The following GDE1 variants were observed in gnomAD, a reference collection of about 807,000 sequenced individuals.
The protein encoded by GDE1 is glycerophosphodiester phosphodiesterase 1.
A neutral mutation model predicts 32.2 loss-of-function variants in GDE1; 24 were observed. The observed-to-expected ratio is 0.75, with a 90% confidence interval of 0.54 to 1.05. GDE1 has a LOEUF of 1.05. GDE1 is among the 50% of genes least tolerant of loss of function. The probability of loss-of-function intolerance (pLI) is 0.00; values close to 1 mark genes in which losing one functional copy is unlikely to be tolerated. For synonymous variants in GDE1, 159 were observed against 158.6 expected, an observed-to-expected ratio of 1.00 and a Z score of -0.02; for missense variants, 380 against 415.0, an observed-to-expected ratio of 0.92 and a Z score of 0.73.
chr16:19,506,295 C>A (rs1212333423), intron 4 of GDE1, among the ~76,000 whole-genome samples: 3 of 109,018 alleles, frequency 2.8e-5, no homozygotes, highest in Admixed American at 1.1e-4. Flanking sequence ...AAAACAAGGA[C>A]CCCCCCCAAA....
Position 19,517,167 on chromosome 16 carries a change from C to A in GDE1, c.284G>T (p.Gly95Val), listed in dbSNP as rs777338440. The change falls in exon 2 of 6, where the codon GGC becomes GTC. Residue 95 changes from glycine to valine, a missense_variant. Transcript: ENST00000353258. ...IRQAAKNGAT[G>V]VELDIEFTSD... ...AGTAAACTCAATGTCCAACTCCACG[C>A]CTGTTGCTCCATTCTTAGCTGCCTT... 2.5e-6 allele frequency: 4 copies of A among 1,613,750 alleles called. No homozygotes were observed. The South Asian group carries it at 4.4e-5, about 18-fold the overall frequency.
At position 19,517,072 on chromosome 16, in the gene GDE1, A is replaced by C; in HGVS notation, c.379T>G (p.Cys127Gly). 2.5e-6 allele frequency: 4 copies of C among 1,614,182 alleles called. No homozygotes were observed. The highest frequency in any genetic ancestry group is 3.4e-6 in the Non-Finnish European group (4 of 1,180,022). The part of the protein sequence containing the change: ...DRTTDGTGRL[C>G]DLTFEQIRKL... ...CTAATTTGTTCAAATGTCAAATCAC[A>C]CAATCGCCCAGTCCCATCAGTCGTC... The change falls in exon 2 of 6, where the codon TGT becomes GGT. Residue 127 changes from cysteine (C) to glycine (G), a missense_variant. Cys to Gly is a radical substitution (Grantham distance 159). Coordinates refer to ENST00000353258, the MANE Select transcript of GDE1 (RefSeq NM_016641.4).
In GDE1 at chr16:19,522,081, G is replaced by C; in HGVS notation, c.-117C>G. The C allele has an allele frequency of 1.9e-6, 2 of 1,074,008 alleles. No homozygotes were observed. Among genetic ancestry groups the C allele is most frequent in the Non-Finnish European group, 2.6e-6 (2 of 770,094 alleles). The allele number at this position is 1,074,008 out of a possible 1,614,324, so 66.5% of individuals were successfully genotyped here. On this transcript the variant is annotated 5_prime_UTR_variant, in exon 1 of 6. Coordinates refer to ENST00000353258, the MANE Select transcript of GDE1 (RefSeq NM_016641.4). ...CGGCAGCAGCAGGAACCCTCTGAGG[G>C]GACCAGCGCCGCACAATGGCGGCAG...
chr16:19,517,874 G>A (rs1401929180), intron 1 of GDE1, among the ~76,000 whole-genome samples: 1 of 151,616 alleles, frequency 6.6e-6, no homozygotes, highest in African/African-American at 2.4e-5. Context: ...TGCTCATTAC[G>A]ATGAAGATTT....
intron 3 of GDE1, 65 bp downstream of exon 3, chr16:19,510,774 G>A (rs1969307469): frequency 5.7e-6 from 4 of 698,816 alleles, no homozygotes; most frequent in African/African-American, 5.5e-5. Context: ...ATGTAACTTC[G>A]GAAATGACCG....
intron 3 of GDE1, among the ~76,000 whole-genome samples, chr16:19,509,333 G>T (rs551561522): frequency 6.6e-6 from 1 of 152,018 alleles, no homozygotes; most frequent in African/African-American, 2.4e-5. Flanking sequence ...ATAAAAGTCA[G>T]TATACCATGG....
At chr16:19,518,767 T>C (rs1447995276) in intron 1 of GDE1, among the ~76,000 whole-genome samples, 2 of 152,230 alleles carry the variant, frequency 1.3e-5, no homozygotes, top group African/African-American at 4.8e-5. Context: ...TTTAAACACA[T>C]CTTTAAAGGT....
intron 4 of GDE1, among the ~76,000 whole-genome samples, chr16:19,506,500 A>T (rs1969248977): frequency 6.6e-6 from 1 of 152,126 alleles, no homozygotes. Context: ...AATACAAAAA[A>T]AATTAGCCAG....
At chr16:19,508,545 C>T (rs1969276845) in intron 3 of GDE1, among the ~76,000 whole-genome samples, 2 of 152,160 alleles carry the variant, frequency 1.3e-5, no homozygotes. Context: ...GAGCAAAATG[C>T]ATTCCCCCAC....
At chr16:19,516,175 C>G (rs911737629) in intron 2 of GDE1, among the ~76,000 whole-genome samples, 1 of 152,162 alleles carries the variant, frequency 6.6e-6, no homozygotes, top group Admixed American at 6.5e-5. Context: ...CGTTTACACT[C>G]TACCAGGAAG....
In GDE1 at chr16:19,521,930, C is replaced by T. The variant is rs779985406; in HGVS notation, c.35G>A (p.Gly12Asp). ...WLWEDQGGLL[G>D]PFSFLLLVLL... The stretch of plus-strand genomic sequence containing the variant: ...CACTAGCAGCAGGAAGGAGAAAGGG[C>T]CCAGGAGGCCGCCCTGGTCCTCCCA... The change falls in exon 1 of 6, where the codon GGC becomes GAC. Residue 12 changes from glycine (G) to aspartate (D), a missense_variant. Transcript: ENST00000353258. The T allele has an allele frequency of 6.3e-7, 1 of 1,580,474 alleles. No individual in the cohort carries two copies. Among genetic ancestry groups the T allele is most frequent in the Non-Finnish European group, 8.6e-7 (1 of 1,163,276 alleles).
chr16:19,520,766 A>G (rs1969443448), intron 1 of GDE1, among the ~76,000 whole-genome samples: 1 of 151,752 alleles, frequency 6.6e-6, no homozygotes, highest in African/African-American at 2.4e-5. Context: ...AAGAAGAGAG[A>G]GAAAAATAAA....
chr16:19,510,715 A>C, intron 3 of GDE1, 124 bp downstream of exon 3: 1 of 474,082 alleles, frequency 2.1e-6, no homozygotes, highest in Middle Eastern at 5.2e-4. Context: ...TCCATTAAAC[A>C]AATACAATTT....
At chr16:19,515,850 A>G (rs1042247784) in intron 2 of GDE1, among the ~76,000 whole-genome samples, 2 of 152,136 alleles carry the variant, frequency 1.3e-5, no homozygotes, top group African/African-American at 4.8e-5. Context: ...ATATTACATG[A>G]ATAACCAGTG....
intron 5 of GDE1, 23 bp from the exon 6 acceptor site, chr16:19,503,640 C>A: frequency 6.2e-7 from 1 of 1,606,118 alleles, no homozygotes; most frequent in Non-Finnish European, 8.5e-7. Flanking sequence ...GAAAGCCAAT[C>A]CTGTTAGAAT....
At chr16:19,518,391 A>G (rs986415904) in intron 1 of GDE1, among the ~76,000 whole-genome samples, 1 of 152,164 alleles carries the variant, frequency 6.6e-6, no homozygotes, top group Admixed American at 6.5e-5. Context: ...CTTTAAATGT[A>G]TTAACTTATT....
rs777338440 is a variant in GDE1, at chr16:19,517,167, C to T, written c.284G>A (p.Gly95Asp). ...AGTAAACTCAATGTCCAACTCCACG[C>T]CTGTTGCTCCATTCTTAGCTGCCTT... Reference protein sequence around the residue: ...IRQAAKNGATGVELDIEFTSD... With the variant: ...IRQAAKNGATDVELDIEFTSD... The change falls in exon 2 of 6, where the codon GGC becomes GAC. Residue 95 changes from glycine to aspartate, a missense_variant. By Grantham distance (94) the Gly-to-Asp change is moderately conservative (BLOSUM62 -1). Coordinates refer to ENST00000353258, the MANE Select transcript of GDE1 (RefSeq NM_016641.4). 2 of 1,613,750 alleles carry T rather than the reference C, an allele frequency of 1.2e-6. No individual in the cohort carries two copies. Among genetic ancestry groups the T allele is most frequent in the Non-Finnish European group, 8.5e-7 (1 of 1,179,672 alleles).
chr16:19,513,908 G>A (rs1969348724), intron 2 of GDE1, among the ~76,000 whole-genome samples: 1 of 152,152 alleles, frequency 6.6e-6, no homozygotes, highest in African/African-American at 2.4e-5. Context: ...TAAGACAACT[G>A]GACCACATGG....
At chr16:19,520,707 A>G (rs2151450592) in intron 1 of GDE1, among the ~76,000 whole-genome samples, 1 of 150,604 alleles carries the variant, frequency 6.6e-6, no homozygotes, top group Admixed American at 6.6e-5. Flanking sequence ...CCTGGGTAAA[A>G]GAGTGAGACT....
Sources: gnomAD v4.1 joint callset for allele counts (sites outside exome capture counted in the v4.1 genomes callset) on GRCh38, gnomAD v4.1.1 for gene constraint, MANE v1.5 for transcripts, NCBI Gene and HGNC (gene_info 2026-07-23, HGNC 2026-07-21) for gene names.